Variants in UBXN11 observed in about 807,000 individuals in gnomAD.
The protein encoded by UBXN11 is UBX domain protein 11.
Under a neutral mutation model 62.8 loss-of-function variants are expected in UBXN11, and 47 were observed. The ratio of observed to expected loss-of-function variants is 0.75; its 90% CI spans 0.59 to 0.95. The LOEUF (loss-of-function observed/expected upper bound fraction) is 0.95, where lower values mean the gene tolerates loss of function less well. Ranked by LOEUF, UBXN11 falls within the 40% of genes least tolerant of loss-of-function variation. UBXN11 has a pLI of 0.00. For missense variants in UBXN11, 638 were observed against 661.7 expected, an observed-to-expected ratio of 0.96 and a Z score of 0.39; for synonymous variants, 294 against 267.0, an observed-to-expected ratio of 1.10 and a Z score of -0.99.
chr1:26,306,313 C>T (rs1208374672), intron 1 of UBXN11: 2 of 152,362 alleles, frequency 1.3e-5, no homozygotes, highest in Non-Finnish European at 2.9e-5. Flanking sequence ...ACCTCCTCGG[C>T]CTCTCCGTCA....
chr1:26,285,650 T>G, intron 9 of UBXN11, 109 bp from the exon 10 acceptor site: 1 of 1,368,148 alleles, frequency 7.3e-7, no homozygotes, highest in Non-Finnish European at 9.8e-7. Context: ...AGTGCCGCAC[T>G]CTGGAAACAT....
intron 4 of UBXN11, 135 bp downstream of exon 4, chr1:26,300,791 C>T (rs2073513004): frequency 4.2e-6 from 6 of 1,435,612 alleles, no homozygotes; most frequent in African/African-American, 1.4e-5. Flanking sequence ...GTCCCTGCCA[C>T]AATCAGCCAG....
intron 8 of UBXN11, among the ~76,000 whole-genome samples, chr1:26,291,651 G>T (rs564224250): frequency 6.6e-6 from 1 of 152,186 alleles, no homozygotes; most frequent in Non-Finnish European, 1.5e-5. Flanking sequence ...AGCCCAGCCC[G>T]CCACAGCAGG....
chr1:26,293,454 G>A (rs1237256593), intron 8 of UBXN11, among the ~76,000 whole-genome samples: 4 of 152,036 alleles, frequency 2.6e-5, no homozygotes, highest in East Asian at 1.9e-4. Context: ...TAGGCCAGGC[G>A]TGGTGGCTCA....
At chr1:26,309,364 T>C (rs576541182), upstream of UBXN11, among the ~76,000 whole-genome samples, 6 of 151,126 alleles carry the variant, frequency 4.0e-5, no homozygotes, top group Middle Eastern at 3.4e-3. Context: ...CCTCAGCCTC[T>C]GAGTAGCTGG....
intron 2 of UBXN11, among the ~76,000 whole-genome samples, chr1:26,302,497 C>T (rs2073563249): frequency 6.6e-6 from 1 of 151,630 alleles, no homozygotes; most frequent in African/African-American, 2.4e-5. Flanking sequence ...CTGAACCCCA[C>T]ACAGGGCCTG....
At chr1:26,289,624 C>T (rs1176812942) in intron 8 of UBXN11, among the ~76,000 whole-genome samples, 2 of 152,152 alleles carry the variant, frequency 1.3e-5, no homozygotes, top group Non-Finnish European at 1.5e-5. Flanking sequence ...GCGATGCCCA[C>T]GCCCAGGGTC....
rs561354557 is a variant in UBXN11 at position 26,289,287 on chromosome 1, T to C, written c.560-3250A>G. On this transcript the variant is annotated intron_variant, in intron 8 of 14. Transcript: ENST00000374222. ...GGAAGCGTTTGGCAGATGGTGGCTG[T>C]TGTTGTCCCTAGCACCGCCTACTCA... Among the ~76,000 whole-genome samples the C allele has an allele frequency of 1.8e-4, 27 of 152,194 alleles. 1 individual carries two copies. The highest frequency in any genetic ancestry group is 4.1e-4 in the South Asian group (2 of 4,824).
intron 1 of UBXN11, among the ~76,000 whole-genome samples, chr1:26,317,224 TA>T (rs927169523): frequency 2.7e-4 from 39 of 144,410 alleles, no homozygotes; most frequent in African/African-American, 5.8e-4. Context: ...AAACTCTGTT[TA>T]AAAAAAAAAA....
At chr1:26,301,672 C>T (rs755459626) in intron 3 of UBXN11, 22 bp downstream of exon 3, 1 of 1,613,432 alleles carries the variant, frequency 6.2e-7, no homozygotes, top group South Asian at 1.1e-5. Context: ...GCGAAGAGGG[C>T]ACGAGGGCGG....
intron 8 of UBXN11, among the ~76,000 whole-genome samples, chr1:26,287,476 A>C (rs947843051): frequency 6.6e-6 from 1 of 151,804 alleles, no homozygotes; most frequent in Non-Finnish European, 1.5e-5. Flanking sequence ...CCCCCAAGTA[A>C]GTCATCTGTT....
chr1:26,298,075 C>G lies in UBXN11; in HGVS notation c.200-13G>C, dbSNP rs375484535. 4 of 1,610,796 alleles carry G rather than the reference C, an allele frequency of 2.5e-6. No homozygotes were observed. Among genetic ancestry groups the G allele is most frequent in the Middle Eastern group, 3.3e-4 (2 of 6,072 alleles). On this transcript the variant is annotated splice_polypyrimidine_tract_variant and intron_variant, in intron 4 of 14. Transcript: ENST00000374222. ...TGGGATGCAGGGACTGCCAAGCACA[C>G]AAAGTCTTTAGAGCCCAGACCTAGA...
At chr1:26,312,551 C>T (rs2073753823) in intron 1 of UBXN11, among the ~76,000 whole-genome samples, 1 of 151,934 alleles carries the variant, frequency 6.6e-6, no homozygotes, top group Admixed American at 6.6e-5. Context: ...CACGCCTGGC[C>T]CATTATAGCA....
Position 26,282,387 on chromosome 1 carries a change from CCGGGACCGGGACCGGGACA to C in UBXN11, c.1456_1474del (p.Cys486AlafsTer?), listed in dbSNP as rs752786313. ...GCCGGGACCGGGACCGGGACTGGGG[CCGGGACCGGGACCGGGACA>C]GGGACCAGGACTGAATTTCAGGCTG... On this transcript the variant is annotated frameshift_variant, in exon 15 of 15. Coordinates refer to ENST00000374222, the MANE Select transcript of UBXN11 (RefSeq NM_001389556.1). LOFTEE classifies it low-confidence loss of function (END_TRUNC). The C allele has an allele frequency of 3.0e-5, 12 of 404,064 alleles. No individual in the cohort carries two copies. Among genetic ancestry groups the C allele is most frequent in the Admixed American group, 5.1e-5 (1 of 19,650 alleles). 25.0% of individuals were successfully genotyped at this position (404,064 alleles called of 1,614,324 possible).
chr1:26,286,117 C>T (rs1260292786), intron 8 of UBXN11, 80 bp from the exon 9 acceptor site: 2 of 1,344,410 alleles, frequency 1.5e-6, no homozygotes, highest in African/African-American at 1.5e-5. Flanking sequence ...GGCTCCCTCC[C>T]AAGCTGGGCA....
chr1:26,316,490 G>C (rs985012333), intron 1 of UBXN11, among the ~76,000 whole-genome samples: 1 of 151,878 alleles, frequency 6.6e-6, no homozygotes, highest in African/African-American at 2.4e-5. Context: ...GTGTAGGGGA[G>C]GGGGAGGGAG....
intron 7 of UBXN11, among the ~76,000 whole-genome samples, chr1:26,296,033 T>C (rs1390712799): frequency 6.6e-6 from 1 of 152,210 alleles, no homozygotes; most frequent in African/African-American, 2.4e-5. Flanking sequence ...CAGCTGCAAT[T>C]GGAGGTTTGC....
chr1:26,297,433 G>T lies in UBXN11; in HGVS notation c.349C>A (p.His117Asn), dbSNP rs1397254289. ...LEDLVQTLRP[H>N]PAEATLQRQE... ...CCCTCCAAGAGCCCCCTACCTGGGT[G>T]TGGCCGGAGGGTCTGCACCAGGTCC... The change falls in exon 6 of 15, where the codon CAC (histidine) becomes AAC (asparagine). Residue 117 changes from histidine to asparagine, a missense_variant. By Grantham distance (68) the His-to-Asn change is moderately conservative. Transcript: ENST00000374222. The T allele has an allele frequency of 1.9e-6, 3 of 1,550,062 alleles. No homozygotes were observed. In the Admixed American group the frequency reaches 5.9e-5, roughly 31 times the overall value.
At chr1:26,317,321 ATGAGGAAC>A (rs2073805605) in intron 1 of UBXN11, among the ~76,000 whole-genome samples, 1 of 152,200 alleles carries the variant, frequency 6.6e-6, no homozygotes, top group Non-Finnish European at 1.5e-5. Flanking sequence ...GTTCCTTGAA[ATGAGGAAC>A]TGAGGCCTAG....
Sources: allele counts gnomAD v4.1 joint callset (sites outside exome capture counted in the v4.1 genomes callset), GRCh38; gene constraint gnomAD v4.1.1; transcripts MANE v1.5; gene names NCBI Gene and HGNC (gene_info 2026-07-23, HGNC 2026-07-21).